The following SLC30A6 variants were observed in gnomAD, a reference collection of about 807,000 sequenced individuals.
SLC30A6 encodes solute carrier family 30 member 6.
SLC30A6 carries 55 observed loss-of-function variants against 63.0 expected under a neutral mutation model. The ratio of observed to expected loss-of-function variants is 0.87; its 90% confidence interval spans 0.70 to 1.09. The LOEUF (loss-of-function observed/expected upper bound fraction) is 1.09. Ranked by LOEUF, SLC30A6 falls within the 50% of genes least tolerant of loss-of-function variation. SLC30A6 has a pLI of 0.00. For missense variants in SLC30A6, 587 were observed against 549.2 expected (o/e 1.07, Z -0.69); for synonymous variants, 224 against 186.1 (o/e 1.20, Z -1.66).
chr2:32,206,819 T>C (rs913818351), intron 11 of SLC30A6, 67 bp from the exon 12 acceptor site: 3 of 1,253,028 alleles, frequency 2.4e-6, no homozygotes, highest in Non-Finnish European at 2.3e-6. Context: ...GGGAGGGGGT[T>C]CAGGACCATT....
chr2:32,169,598 G>A (rs1681004676), intron 1 of SLC30A6, among the ~76,000 whole-genome samples: 1 of 152,228 alleles, frequency 6.6e-6, no homozygotes, highest in Non-Finnish European at 1.5e-5. Flanking sequence ...CTAACACGGT[G>A]AAACCCCGTC....
At chr2:32,179,120 A>G (rs75186975) in intron 4 of SLC30A6, among the ~76,000 whole-genome samples, 2,924 of 152,256 alleles carry the variant, frequency 0.019, 43 homozygotes, top group Non-Finnish European at 0.03. Flanking sequence ...TTTCCCTCCC[A>G]AAGCGTTGGG....
rs2148879433 is a variant in SLC30A6 at position 32,203,185 on chromosome 2, A to G, written c.666-1405A>G. 1.1e-5 allele frequency: 13 copies of G among 1,208,410 alleles called. No homozygotes were observed. The South Asian group carries it at 1.3e-4, about 12-fold the overall frequency. 74.9% of individuals were successfully genotyped at this position (1,208,410 alleles called of 1,614,324 possible). ...ATTCCTGAAGTTGACCTGGTGATTC[A>G]TGGTTCTCCTCCTCAGGATGTTGAG... On this transcript the variant is annotated intron_variant, in intron 10 of 13. Coordinates refer to ENST00000282587, the MANE Select transcript of SLC30A6 (RefSeq NM_017964.5).
chr2:32,174,576 A>G (rs1168962156), intron 3 of SLC30A6, among the ~76,000 whole-genome samples: 1 of 84,886 alleles, frequency 1.2e-5, no homozygotes, highest in Non-Finnish European at 2.1e-5. Context: ...TTTTTTTGAG[A>G]CGGAGTCTCA....
At chr2:32,218,849 A>G (rs2148916366) in intron 13 of SLC30A6, among the ~76,000 whole-genome samples, 1 of 152,104 alleles carries the variant, frequency 6.6e-6, no homozygotes, top group South Asian at 2.1e-4. Context: ...GAGCCACTGC[A>G]CTTGGCAGCT....
intron 4 of SLC30A6, among the ~76,000 whole-genome samples, chr2:32,176,352 T>C (rs965802645): frequency 1.3e-5 from 2 of 152,280 alleles, no homozygotes; most frequent in African/African-American, 4.8e-5. Flanking sequence ...CGTGCTCTTT[T>C]GTTTTTTTAA....
intron 13 of SLC30A6, among the ~76,000 whole-genome samples, chr2:32,211,967 AC>A (rs1344879931): frequency 6.6e-6 from 1 of 152,084 alleles, no homozygotes; most frequent in Non-Finnish European, 1.5e-5. Context: ...ATTTTTTAAA[AC>A]ATCTAATTGT....
intron 2 of SLC30A6, among the ~76,000 whole-genome samples, chr2:32,173,561 G>A (rs1417863422): frequency 3.3e-5 from 5 of 151,918 alleles, no homozygotes; most frequent in African/African-American, 1.2e-4. Flanking sequence ...TAGTAGAGAC[G>A]GGGTTTCACC....
chr2:32,168,266 A>G (rs1363964758), intron 1 of SLC30A6, among the ~76,000 whole-genome samples: 1 of 152,006 alleles, frequency 6.6e-6, no homozygotes, highest in African/African-American at 2.4e-5. Flanking sequence ...CTATGGCACT[A>G]TATCTTTATG....
chr2:32,216,541 A>G (rs1685722592), intron 13 of SLC30A6, among the ~76,000 whole-genome samples: 2 of 99,660 alleles, frequency 2.0e-5, no homozygotes, highest in Non-Finnish European at 4.1e-5. Flanking sequence ...CTCAAAATAA[A>G]TAAATAAATA....
chr2:32,197,337 C>T lies in SLC30A6; in HGVS notation c.497-7C>T, dbSNP rs761741599. ...ATATAGATAATTTAAGTATTTTCTT[C>T]TTAAAGCTGCTAGTACGAGCTGGCT... On this transcript the variant is annotated splice_polypyrimidine_tract_variant and splice_region_variant and intron_variant, in intron 8 of 13. Coordinates refer to ENST00000282587, the MANE Select transcript of SLC30A6 (RefSeq NM_017964.5). 1.9e-6 allele frequency: 3 copies of T among 1,609,796 alleles called. No homozygotes were observed. The highest frequency in any genetic ancestry group is 1.7e-6 in the Non-Finnish European group (2 of 1,177,904).
chr2:32,176,029 A>T (rs924803565), intron 4 of SLC30A6, among the ~76,000 whole-genome samples: 11 of 152,270 alleles, frequency 7.2e-5, no homozygotes, highest in African/African-American at 2.4e-4. Flanking sequence ...TAGGTAGCAA[A>T]TGTCACCATA....
At chr2:32,204,219 T>TA (rs578096982) in intron 10 of SLC30A6, among the ~76,000 whole-genome samples, 64 of 151,262 alleles carry the variant, frequency 4.2e-4, no homozygotes, top group Non-Finnish European at 8.6e-4. Context: ...TGTCTCTTTT[T>TA]AAAAAAAAAT....
Position 32,209,017 on chromosome 2 carries a change from A to T in SLC30A6, c.817-476A>T, listed in dbSNP as rs936408950. On this transcript the variant is annotated intron_variant, in intron 12 of 13. Coordinates refer to ENST00000282587, the MANE Select transcript of SLC30A6 (RefSeq NM_017964.5). Reference sequence around the variant, plus strand: ...TCCTGTGCAACTGTACCAGTGGGCTACACACTATATATCTGGCCTTGGAAT... The same window carrying T: ...TCCTGTGCAACTGTACCAGTGGGCTTCACACTATATATCTGGCCTTGGAAT... 8.5e-5 allele frequency among the ~76,000 whole-genome samples: 13 copies of T among 152,190 alleles called. 1 individual carries two copies. The highest frequency in any genetic ancestry group is 2.7e-4 in the African/African-American group (11 of 41,454).
At chr2:32,187,488 TAG>T (rs1332236729) in intron 5 of SLC30A6, among the ~76,000 whole-genome samples, 1 of 152,114 alleles carries the variant, frequency 6.6e-6, no homozygotes, top group East Asian at 1.9e-4. Flanking sequence ...CTCACTTGCT[TAG>T]AGTGAACAGG....
intron 1 of SLC30A6, among the ~76,000 whole-genome samples, chr2:32,169,536 T>C (rs1208647174): frequency 6.6e-6 from 1 of 152,158 alleles, no homozygotes; most frequent in Non-Finnish European, 1.5e-5. Flanking sequence ...CCCAGCACTT[T>C]GGGAGGCCAA....
At chr2:32,176,804 ACT>A (rs1045837748) in intron 4 of SLC30A6, among the ~76,000 whole-genome samples, 5 of 150,714 alleles carry the variant, frequency 3.3e-5, no homozygotes, top group African/African-American at 4.9e-5. Flanking sequence ...ACGGAATCTT[ACT>A]CTGTCACCCA....
Position 32,221,150 on chromosome 2 carries a change from C to A in SLC30A6, c.*437C>A. 4.9e-6 allele frequency: 1 copy of A among 205,180 alleles called. No individual in the cohort carries two copies. The highest frequency in any genetic ancestry group is 8.6e-5 in the South Asian group (1 of 11,666). 12.7% of individuals were successfully genotyped at this position (205,180 alleles called of 1,614,324 possible). A position where few individuals can be genotyped will look rare whatever the true frequency, so the allele number is the denominator to read the frequency against. The stretch of plus-strand genomic sequence containing the variant: ...TTAAGGCTGTACTTTATTAAGGCTT[C>A]CTTAGTTTTTGTTTTGTTTTGTTTT... On this transcript the variant is annotated 3_prime_UTR_variant, in exon 14 of 14. Transcript: ENST00000282587.
At chr2:32,202,047 C>T (rs1382085486) in intron 10 of SLC30A6, 1 of 972,562 alleles carries the variant, frequency 1.0e-6, no homozygotes, top group Non-Finnish European at 1.5e-6. Context: ...AAGTATCATC[C>T]TTAGATAGTT....
Sources: gnomAD v4.1 joint callset for allele counts (sites outside exome capture counted in the v4.1 genomes callset) on GRCh38, gnomAD v4.1.1 for gene constraint, MANE v1.5 for transcripts, NCBI Gene and HGNC (gene_info 2026-07-23, HGNC 2026-07-21) for gene names.